Variants in CDK5RAP1 observed in about 807,000 individuals in gnomAD.
CDK5RAP1 encodes mitochondrial tRNA methylthiotransferase CDK5RAP1.
CDK5RAP1 carries 62 observed loss-of-function variants against 64.5 expected under a neutral mutation model. The ratio of observed to expected loss-of-function variants is 0.96; its 90% CI spans 0.78 to 1.19. CDK5RAP1 has a LOEUF of 1.19. Ranked by LOEUF, CDK5RAP1 falls within the 50% of genes most tolerant of loss-of-function variation. The pLI is 0.00. For missense variants in CDK5RAP1, 657 were observed against 735.0 expected, an observed-to-expected ratio of 0.89 and a Z score of 1.23; for synonymous variants, 250 against 261.9, an observed-to-expected ratio of 0.95 and a Z score of 0.44.
intron 8 of CDK5RAP1, among the ~76,000 whole-genome samples, chr20:33,377,080 G>A (rs1210285954): frequency 6.6e-6 from 1 of 152,142 alleles, no homozygotes; most frequent in Non-Finnish European, 1.5e-5. Flanking sequence ...TCCCGCCTGT[G>A]ATCCCAGCAC....
rs115736561 is a variant in CDK5RAP1, at chr20:33,368,299, T to C, written c.1393-1291A>G. On this transcript the variant is annotated intron_variant, in intron 11 of 13. Transcript: ENST00000346416. ...AACCCATTTCCCATCCCTAGGATTTTTTTTTCTTTTTTGAGACAGGGTCTC... is the reference window on the plus strand; with the variant it reads ...AACCCATTTCCCATCCCTAGGATTTCTTTTTCTTTTTTGAGACAGGGTCTC... Among the ~76,000 whole-genome samples, 805 of 152,090 alleles carry C rather than the reference T, an allele frequency of 5.3e-3. 10 individuals are homozygous for C. Among genetic ancestry groups the C allele is most frequent in the African/African-American group, 0.018 (755 of 41,470 alleles).
At chr20:33,388,575 C>A (rs1433530844) in intron 5 of CDK5RAP1, among the ~76,000 whole-genome samples, 61 of 120,108 alleles carry the variant, frequency 5.1e-4, no homozygotes, top group Middle Eastern at 4.1e-3. Context: ...TCCCTCTCCC[C>A]CTCTCCCTCT....
intron 12 of CDK5RAP1, among the ~76,000 whole-genome samples, chr20:33,366,187 TG>T (rs1166387650): frequency 1.3e-5 from 2 of 151,354 alleles, no homozygotes; most frequent in East Asian, 3.9e-4. Flanking sequence ...GGTGTGGTAG[TG>T]GGTGCCTGCA....
At chr20:33,388,602 CCA>C (rs1987802912) in intron 5 of CDK5RAP1, among the ~76,000 whole-genome samples, 1 of 140,182 alleles carries the variant, frequency 7.1e-6, no homozygotes, top group East Asian at 2.3e-4. Context: ...CTCCCTCTCC[CCA>C]CAGTCTCCGT....
intron 5 of CDK5RAP1, among the ~76,000 whole-genome samples, chr20:33,389,787 T>G (rs374156001): frequency 1.9e-4 from 29 of 152,112 alleles, no homozygotes; most frequent in Non-Finnish European, 1.3e-4. Flanking sequence ...GGGGAAAAGA[T>G]AGAGAAATCA....
chr20:33,377,272 ATCT>A (rs1367701315), intron 8 of CDK5RAP1, among the ~76,000 whole-genome samples: 5 of 152,218 alleles, frequency 3.3e-5, no homozygotes, highest in African/African-American at 1.2e-4. Flanking sequence ...CCCAGATGAC[ATCT>A]TCTTCCAACA....
chr20:33,385,843 C>T, intron 6 of CDK5RAP1, 73 bp from the exon 7 acceptor site: 1 of 1,394,646 alleles, frequency 7.2e-7, no homozygotes, highest in African/African-American at 1.4e-5. Context: ...CAGGACTCAG[C>T]TTCAATAGCA....
At chr20:33,377,352 A>G (rs1371168094) in intron 8 of CDK5RAP1, among the ~76,000 whole-genome samples, 1 of 152,204 alleles carries the variant, frequency 6.6e-6, no homozygotes, top group Admixed American at 6.6e-5. Context: ...GATCTTAGCT[A>G]GATCTTCTGG....
At chr20:33,399,801 GGATT>G (rs1245080435) in intron 1 of CDK5RAP1, among the ~76,000 whole-genome samples, 1 of 152,154 alleles carries the variant, frequency 6.6e-6, no homozygotes, top group Non-Finnish European at 1.5e-5. Context: ...CGAGGCAGGC[GGATT>G]GTTTGAGCTC....
In CDK5RAP1 at chr20:33,372,889, T is replaced by A. The variant is rs145149086; in HGVS notation, c.1206-192A>T. On this transcript the variant is annotated intron_variant, in intron 9 of 13. Transcript: ENST00000346416. ...ATCTTCTAATCTAATCTAGAGCCTATGAATTTTTATTTAAGGACATAAACT... is the reference window on the plus strand; with the variant it reads ...ATCTTCTAATCTAATCTAGAGCCTAAGAATTTTTATTTAAGGACATAAACT... 2,879 of 396,924 alleles carry A rather than the reference T, an allele frequency of 7.3e-3. 32 individuals carry two copies. Among genetic ancestry groups the A allele is most frequent in the Middle Eastern group, 0.061 (148 of 2,434 alleles). 24.6% of individuals were successfully genotyped at this position (396,924 alleles called of 1,614,324 possible).
intron 2 of CDK5RAP1, among the ~76,000 whole-genome samples, chr20:33,396,007 C>CA (rs1175587885): frequency 3.0e-4 from 44 of 144,268 alleles, no homozygotes; most frequent in African/African-American, 6.3e-4. Flanking sequence ...GAGCGAGACT[C>CA]AAAAAAAAAC....
chr20:33,401,307 A>G (rs1186589980), intron 1 of CDK5RAP1, 121 bp downstream of exon 1: 15 of 765,364 alleles, frequency 2.0e-5, no homozygotes, highest in Non-Finnish European at 2.4e-5. Flanking sequence ...GCCCCACGCC[A>G]TAACCACCGT....
Position 33,385,676 on chromosome 20 carries a change from C to A in CDK5RAP1, c.850G>T (p.Glu284Ter). Residue 284 changes from glutamate to a stop codon, truncating the protein, a stop_gained, in exon 7 of 14, where the codon GAG becomes TAG. Coordinates refer to ENST00000346416, the MANE Select transcript of CDK5RAP1 (RefSeq NM_016408.4). LOFTEE classifies it high-confidence loss of function. ...TGCTCAGAAAGCTTCTTCACTTCCT[C>A]TAGAATGGAGGCAATAGGCCGACTC... Reference protein sequence around the residue: ...ERSRPIASILEEVKKLSEQGL... With the variant: ...ERSRPIASIL The A allele has an allele frequency of 6.2e-7, 1 of 1,614,188 alleles. No individual in the cohort carries two copies. Among genetic ancestry groups the A allele is most frequent in the Non-Finnish European group, 8.5e-7 (1 of 1,180,024 alleles).
At chr20:33,374,471 GGAGCTGA>G (rs1276582717) in intron 8 of CDK5RAP1, among the ~76,000 whole-genome samples, 1 of 15,726 alleles carries the variant, frequency 6.4e-5, no homozygotes. Flanking sequence ...TAAAGCCATG[GGAGCTGA>G]ATACAGGTAG....
intron 8 of CDK5RAP1, among the ~76,000 whole-genome samples, chr20:33,376,607 T>C (rs1986023992): frequency 6.6e-6 from 1 of 152,192 alleles, no homozygotes. Flanking sequence ...TTTTTATGCC[T>C]GCTAACACAA....
chr20:33,374,186 A>G lies in CDK5RAP1; in HGVS notation c.1134T>C (p.Asp378=). The G allele has an allele frequency of 1.2e-6, 2 of 1,612,932 alleles. No individual in the cohort carries two copies. The highest frequency in any genetic ancestry group is 8.5e-7 in the Non-Finnish European group (1 of 1,178,908). The change falls in exon 9 of 14, where the codon GAT becomes GAC. Residue 378 remains aspartate, a synonymous_variant. Transcript: ENST00000346416. The part of the protein sequence containing the change: ...DEVLQLIHER[D]NICKQIHLPA... The stretch of plus-strand genomic sequence containing the variant: ...GCAGGTGGATCTGTTTACAGATGTT[A>G]TCTCTCTCATGAATCAGCTGCAGAA...
intron 9 of CDK5RAP1, 125 bp downstream of exon 9, chr20:33,373,990 T>C (rs1468188378): frequency 5.8e-5 from 42 of 719,738 alleles, no homozygotes; most frequent in Non-Finnish European, 1.0e-4. Flanking sequence ...AGTCATACAA[T>C]AAATATTTAC....
At chr20:33,372,819 C>T (rs754522848) in intron 9 of CDK5RAP1, 122 bp from the exon 10 acceptor site, 8 of 641,374 alleles carry the variant, frequency 1.2e-5, no homozygotes, top group Admixed American at 2.8e-5. Flanking sequence ...GCAGGGCACA[C>T]GAGTAAATTA....
chr20:33,371,732 G>A (rs529699249), intron 10 of CDK5RAP1, among the ~76,000 whole-genome samples: 5 of 152,184 alleles, frequency 3.3e-5, no homozygotes, highest in South Asian at 2.1e-4. Context: ...GCAGTGAGCC[G>A]AGATTGCGCC....
Sources: allele counts gnomAD v4.1 joint callset (sites outside exome capture counted in the v4.1 genomes callset), GRCh38; gene constraint gnomAD v4.1.1; transcripts MANE v1.5; gene names NCBI Gene and HGNC (gene_info 2026-07-23, HGNC 2026-07-21).